The following LRRC9 variants were observed in gnomAD, a reference collection of about 807,000 sequenced individuals.
LRRC9 encodes leucine-rich repeat-containing protein 9.
A neutral mutation model predicts 63.2 loss-of-function variants in LRRC9; 122 were observed. The ratio of observed to expected loss-of-function variants is 1.93; its 90% CI spans 1.67 to 2.24. LRRC9 has a LOEUF of 2.24. Among genes scored for constraint, LRRC9 ranks in the 30% most tolerant of loss-of-function variants. The pLI is 0.00. For synonymous variants in LRRC9, 366 were observed against 213.1 expected (o/e 1.72, Z -6.25); for missense variants, 1,071 against 627.7 (o/e 1.71, Z -7.55).
rs563203652 is a variant in LRRC9 at position 59,962,140 on chromosome 14, C to A, written c.1211+1095C>A. Among the ~76,000 whole-genome samples the A allele has an allele frequency of 6.6e-6, 1 of 152,220 alleles. No individual in the cohort carries two copies. Among genetic ancestry groups the A allele is most frequent in the South Asian group, 2.1e-4 (1 of 4,814 alleles). ...CTGTGAGTAAAAGCTTCTCAAAGGT[C>A]TTGGGAGAACTCTGATGGAAAAGTG... On this transcript the variant is annotated intron_variant, in intron 10 of 31. Transcript: ENST00000445360. This position sits in a 1 kb window ranked among gnomAD's most constrained non-coding sequence, Gnocchi z 5.1.
chr14:60,048,089 A>G (rs972682883), intron 29 of LRRC9, among the ~76,000 whole-genome samples: 1 of 152,238 alleles, frequency 6.6e-6, no homozygotes, highest in Non-Finnish European at 1.5e-5. Flanking sequence ...AGTTCTTTGA[A>G]ACTAATGAGA....
chr14:59,999,050 CCATAA>C (rs1473670041), intron 18 of LRRC9, 46 bp from the exon 19 acceptor site: 2 of 582,506 alleles, frequency 3.4e-6, no homozygotes, highest in Non-Finnish European at 6.1e-6. Context: ...CATTTTCATG[CCATAA>C]CATATTTAAC....
intron 31 of LRRC9, among the ~76,000 whole-genome samples, chr14:60,059,945 C>T (rs543560461): frequency 1.3e-5 from 2 of 152,316 alleles, no homozygotes; most frequent in African/African-American, 4.8e-5. Flanking sequence ...AAGATGCCAT[C>T]TAGGACCTTC....
chr14:59,953,604 G>A (rs554600004), intron 8 of LRRC9, among the ~76,000 whole-genome samples: 33 of 152,258 alleles, frequency 2.2e-4, no homozygotes, highest in African/African-American at 6.5e-4. Flanking sequence ...CTCCCATTCT[G>A]TAGGTGGCCT....
chr14:59,965,338 C>A lies in LRRC9; in HGVS notation c.1212-1251C>A, dbSNP rs1030266255. ...CAAGGCCCTATCTTAAGTAGGTCCC[C>A]TTTGCATTCCTTACCCCAAGCTTCT... On this transcript the variant is annotated intron_variant, in intron 10 of 31. Transcript: ENST00000445360. 2.0e-5 allele frequency among the ~76,000 whole-genome samples: 3 copies of A among 152,220 alleles called. No individual in the cohort carries two copies. The South Asian group carries it at 6.2e-4, about 32-fold the overall frequency.
chr14:60,021,009 A>G (rs998836931), intron 26 of LRRC9, among the ~76,000 whole-genome samples: 2 of 151,932 alleles, frequency 1.3e-5, no homozygotes, highest in Admixed American at 1.3e-4. Flanking sequence ...GTAGATACCT[A>G]TGAGTGGAAT....
chr14:59,968,807 A>G (rs1885146668), intron 12 of LRRC9, among the ~76,000 whole-genome samples: 1 of 152,104 alleles, frequency 6.6e-6, no homozygotes, highest in Admixed American at 6.6e-5. Context: ...CATCTCCTAA[A>G]AGAGATGAAC....
At chr14:59,971,951 C>CTG (rs1885555446) in intron 12 of LRRC9, among the ~76,000 whole-genome samples, 1 of 152,152 alleles carries the variant, frequency 6.6e-6, no homozygotes, top group Admixed American at 6.6e-5. Flanking sequence ...GCACATTGCA[C>CTG]TGTGTCCATG....
chr14:59,920,622 C>T (rs12435660), intron 1 of LRRC9, among the ~76,000 whole-genome samples: 34,325 of 152,018 alleles, frequency 0.23, 4,314 homozygotes, highest in East Asian at 0.5. Flanking sequence ...TTATTTGGAC[C>T]ATCAGTGGTA....
intron 30 of LRRC9, among the ~76,000 whole-genome samples, chr14:60,057,390 TC>T (rs1238087513): frequency 1.3e-5 from 2 of 152,178 alleles, no homozygotes; most frequent in African/African-American, 4.8e-5. Context: ...AAGATGCTTT[TC>T]TTAACTCCCA....
intron 24 of LRRC9, among the ~76,000 whole-genome samples, chr14:60,018,137 TG>T (rs1566879950): frequency 2.6e-5 from 4 of 151,974 alleles, no homozygotes; most frequent in African/African-American, 9.7e-5. Context: ...GTAATAGATG[TG>T]TTTTTTTTGA....
intron 17 of LRRC9, among the ~76,000 whole-genome samples, chr14:59,992,832 T>C (rs1309502687): frequency 2.0e-5 from 3 of 152,170 alleles, no homozygotes; most frequent in Non-Finnish European, 4.4e-5. Context: ...TACGTCTGAT[T>C]GGTGTACCCG....
intron 17 of LRRC9, among the ~76,000 whole-genome samples, chr14:59,993,784 C>G (rs1173994334): frequency 1.3e-5 from 2 of 152,140 alleles, no homozygotes; most frequent in African/African-American, 4.8e-5. Context: ...ATATATGCAC[C>G]CAATGCAGGA....
intron 1 of LRRC9, among the ~76,000 whole-genome samples, chr14:59,925,673 A>C (rs144432534): frequency 6.6e-5 from 10 of 152,282 alleles, no homozygotes; most frequent in African/African-American, 1.9e-4. Context: ...TTTCTGGTGC[A>C]TTTCTCAAAC....
rs1893905480 is a variant in LRRC9 at position 60,051,711 on chromosome 14, G to T, written c.3991-1354G>T. The stretch of plus-strand genomic sequence containing the variant: ...TACAGACAGATCTACTGCCTTGCCA[G>T]AATCCCGGCGCTGGAGTATATAAAA... On this transcript the variant is annotated intron_variant, in intron 29 of 31. Transcript: ENST00000445360. This position sits in a 1 kb window ranked among gnomAD's most constrained non-coding sequence, Gnocchi z 4.7. 6.6e-6 allele frequency among the ~76,000 whole-genome samples: 1 copy of T among 152,196 alleles called. No homozygotes were observed.
At chr14:60,002,842 A>G (rs569447982) in intron 20 of LRRC9, among the ~76,000 whole-genome samples, 60 of 152,322 alleles carry the variant, frequency 3.9e-4, no homozygotes, top group Admixed American at 1.8e-3. Context: ...GATTCTGATA[A>G]CATGTCAGAA....
intron 6 of LRRC9, among the ~76,000 whole-genome samples, chr14:59,937,447 C>A (rs965791491): frequency 6.6e-6 from 1 of 152,088 alleles, no homozygotes; most frequent in Non-Finnish European, 1.5e-5. Flanking sequence ...ATAGGAGGAA[C>A]ATCTATCCCA....
intron 29 of LRRC9, among the ~76,000 whole-genome samples, chr14:60,043,145 G>T (rs556302875): frequency 1.7e-4 from 26 of 152,216 alleles, no homozygotes; most frequent in African/African-American, 5.5e-4. Flanking sequence ...TGTTGACTTT[G>T]TATTCTGCAA....
intron 29 of LRRC9, among the ~76,000 whole-genome samples, chr14:60,049,642 C>T (rs1237864589): frequency 6.6e-6 from 1 of 152,170 alleles, no homozygotes; most frequent in Non-Finnish European, 1.5e-5. Context: ...ATGGGCTTCC[C>T]TTTGTAGGTG....
Sources: gnomAD v4.1 joint callset for allele counts (sites outside exome capture counted in the v4.1 genomes callset) on GRCh38, gnomAD v4.1.1 for gene constraint, Gnocchi (gnomAD v3.1) non-coding constraint, MANE v1.5 for transcripts, NCBI Gene and HGNC (gene_info 2026-07-23, HGNC 2026-07-21) for gene names.